Variants in DISP1 observed in about 807,000 individuals in gnomAD.
The protein encoded by DISP1 is protein dispatched homolog 1.
A neutral mutation model predicts 37.3 loss-of-function variants in DISP1; 30 were observed. The ratio of observed to expected loss-of-function variants is 0.80; its 90% CI spans 0.60 to 1.09. The LOEUF is 1.09. Among genes scored for constraint, DISP1 ranks in the 50% least tolerant of loss-of-function variants. DISP1 has a pLI of 0.00. For missense variants in DISP1, 1,598 were observed against 1,879.5 expected, an observed-to-expected ratio of 0.85 and a Z score of 2.77; for synonymous variants, 634 against 690.2, an observed-to-expected ratio of 0.92 and a Z score of 1.28.
chr1:222,976,089 T>C (rs1186212456), intron 3 of DISP1, among the ~76,000 whole-genome samples: 3 of 152,168 alleles, frequency 2.0e-5, no homozygotes, highest in Non-Finnish European at 4.4e-5. Flanking sequence ...CTGAAGATTA[T>C]TGCTGCTTAT....
chr1:223,005,939 T>C lies in DISP1; in HGVS notation c.4542T>C (p.Leu1514=), dbSNP rs765864562. ...NVPAVLTHSE[L]SGESLLIKTL Reference sequence around the variant, plus strand: ...CTGCTGTATTAACACACTCGGAACTTTCTGGTGAAAGTTTGTTAATAAAAA... The same window carrying C: ...CTGCTGTATTAACACACTCGGAACTCTCTGGTGAAAGTTTGTTAATAAAAA... Residue 1514 remains leucine, a synonymous_variant, in exon 9 of 9, where the codon CTT becomes CTC. Transcript: ENST00000675850. The C allele has an allele frequency of 1.2e-6, 2 of 1,614,038 alleles. No homozygotes were observed. The highest frequency in any genetic ancestry group is 4.5e-5 in the East Asian group (2 of 44,878).
chr1:222,945,458 T>G (rs376679362), intron 3 of DISP1, among the ~76,000 whole-genome samples: 1 of 152,208 alleles, frequency 6.6e-6, no homozygotes, highest in South Asian at 2.1e-4. Flanking sequence ...AGATAGATAT[T>G]TCTGCATTTT....
At chr1:222,822,345 G>T (rs1558276894) in intron 1 of DISP1, among the ~76,000 whole-genome samples, 2 of 152,028 alleles carry the variant, frequency 1.3e-5, no homozygotes. Context: ...ATTAGGAAGG[G>T]TTCTTTCTGG....
intron 1 of DISP1, among the ~76,000 whole-genome samples, chr1:222,822,931 C>T (rs1323305781): frequency 6.6e-6 from 1 of 152,186 alleles, no homozygotes; most frequent in Non-Finnish European, 1.5e-5. Context: ...CCCTTAACCT[C>T]TCTCCCAAAG....
intron 1 of DISP1, among the ~76,000 whole-genome samples, chr1:222,850,760 A>G (rs1450701451): frequency 2.0e-5 from 3 of 152,164 alleles, no homozygotes; most frequent in African/African-American, 7.2e-5. Context: ...TGTTCCCTCA[A>G]AAGACATGAT....
intron 1 of DISP1, among the ~76,000 whole-genome samples, chr1:222,854,625 A>G (rs1338826726): frequency 6.6e-6 from 1 of 152,088 alleles, no homozygotes; most frequent in African/African-American, 2.4e-5. Flanking sequence ...GCACTAAGGA[A>G]TACCGTTTGG....
At chr1:222,979,779 AGCGCT>A in intron 3 of DISP1, 2 of 400,826 alleles carry the variant, frequency 5.0e-6, no homozygotes, top group Non-Finnish European at 1.1e-5. Flanking sequence ...TGGCCAGCTG[AGCGCT>A]GCAGGTCAGG....
intron 3 of DISP1, among the ~76,000 whole-genome samples, chr1:222,943,765 A>G (rs1466676922): frequency 2.0e-5 from 3 of 152,198 alleles, no homozygotes; most frequent in Non-Finnish European, 4.4e-5. Flanking sequence ...GCGGTGGCTC[A>G]TGCCTGTAAT....
intron 3 of DISP1, among the ~76,000 whole-genome samples, chr1:222,981,702 G>A (rs571928469): frequency 6.6e-6 from 1 of 152,308 alleles, no homozygotes; most frequent in Non-Finnish European, 1.5e-5. Context: ...TTCCAAGGTA[G>A]GGTTCCAACT....
Position 222,918,418 on chromosome 1 carries a change from GA to G in DISP1, c.-158-10010del, listed in dbSNP as rs542893989. 4.5e-4 allele frequency among the ~76,000 whole-genome samples: 68 copies of G among 152,340 alleles called. 2 individuals carry two copies. The highest frequency in any genetic ancestry group is 2.7e-3 in the South Asian group (13 of 4,828). ...CCCAGGAGTTGTTGATTTTGATTGT[GA>G]AGGAGAAATTCAGGTAGTGGTATTG... On this transcript the variant is annotated intron_variant, in intron 1 of 8. Coordinates refer to ENST00000675850, the MANE Select transcript of DISP1 (RefSeq NM_001377229.1).
At chr1:222,988,662 C>CTT (rs35016383) in intron 4 of DISP1, among the ~76,000 whole-genome samples, 2,454 of 126,970 alleles carry the variant, frequency 0.019, 91 homozygotes, top group African/African-American at 0.066. Flanking sequence ...ATTTCTTTCT[C>CTT]TTTTTTTTTT....
chr1:222,826,359 C>T (rs1200106826), intron 1 of DISP1, among the ~76,000 whole-genome samples: 1 of 148,700 alleles, frequency 6.7e-6, no homozygotes, highest in African/African-American at 2.5e-5. Context: ...GATTTGTAGT[C>T]TCCTTTACAC....
chr1:222,994,931 A>G lies in DISP1; in HGVS notation c.936A>G (p.Thr312=). ...RVVFTSSGGE[T]LWNLPAIKSM... is the part of the protein sequence containing the mutation. ...TATTTACTTCATCTGGAGGGGAGAC[A>G]TTATGGAATTTACCTGCAATTAAAT... The change falls in exon 8 of 9, where the codon ACA becomes ACG. Residue 312 remains threonine, a synonymous_variant. Coordinates refer to ENST00000675850, the MANE Select transcript of DISP1 (RefSeq NM_001377229.1). 2 of 1,613,306 alleles carry G rather than the reference A, an allele frequency of 1.2e-6. No individual in the cohort carries two copies. Among genetic ancestry groups the G allele is most frequent in the South Asian group, 1.1e-5 (1 of 91,070 alleles).
At chr1:222,936,952 T>TA in intron 2 of DISP1, among the ~76,000 whole-genome samples, 1 of 99,418 alleles carries the variant, frequency 1.0e-5, no homozygotes, top group Non-Finnish European at 1.9e-5. Context: ...ATATATTACA[T>TA]ATTATATTAT....
chr1:222,868,256 T>C (rs907730126), intron 1 of DISP1, among the ~76,000 whole-genome samples: 1 of 152,054 alleles, frequency 6.6e-6, no homozygotes, highest in Non-Finnish European at 1.5e-5. Flanking sequence ...TATTTACTGA[T>C]TGAAGGCATA....
intron 1 of DISP1, among the ~76,000 whole-genome samples, chr1:222,841,165 G>T (rs899576939): frequency 1.3e-5 from 2 of 152,036 alleles, no homozygotes; most frequent in Non-Finnish European, 2.9e-5. Context: ...TTTTTCATCT[G>T]TAAATTTTTC....
At chr1:222,866,357 T>C (rs201498916) in intron 1 of DISP1, among the ~76,000 whole-genome samples, 1 of 147,654 alleles carries the variant, frequency 6.8e-6, no homozygotes, top group Non-Finnish European at 1.5e-5. Flanking sequence ...GTTGTTGCTG[T>C]TGTTTGAGGC....
Position 223,002,626 on chromosome 1 carries a change from A to G in DISP1, c.1229A>G (p.Lys410Arg), listed in dbSNP as rs143819396. 1.1e-5 allele frequency: 17 copies of G among 1,614,226 alleles called. No homozygotes were observed. The African/African-American group carries it at 2.1e-4, about 20-fold the overall frequency. Residue 410 changes from lysine to arginine, a missense_variant, in exon 9 of 9, where the codon AAG (lysine) becomes AGG (arginine). Lys to Arg is a conservative substitution (Grantham distance 26, BLOSUM62 2). Transcript: ENST00000675850. Reference sequence around the variant, plus strand: ...GCAGCCAGAAGAAAGGACCAGCTCAAGTGCACCAATGTGCCACGCAAATGT... The same window carrying G: ...GCAGCCAGAAGAAAGGACCAGCTCAGGTGCACCAATGTGCCACGCAAATGT... ...DMAARRKDQL[K>R]CTNVPRKCTK...
chr1:222,857,053 A>G (rs1418215193), intron 1 of DISP1, among the ~76,000 whole-genome samples: 4 of 152,164 alleles, frequency 2.6e-5, no homozygotes, highest in African/African-American at 4.8e-5. Flanking sequence ...TCAAAATATT[A>G]TCACCAATTA....
Sources: allele counts gnomAD v4.1 joint callset (sites outside exome capture counted in the v4.1 genomes callset), GRCh38; gene constraint gnomAD v4.1.1; transcripts MANE v1.5; gene names NCBI Gene and HGNC (gene_info 2026-07-23, HGNC 2026-07-21).